The following SLC9B2 variants were observed in gnomAD, a reference collection of about 807,000 sequenced individuals.
SLC9B2 encodes the protein sodium/hydrogen exchanger 9B2.
SLC9B2 carries 39 observed loss-of-function variants against 52.2 expected under a neutral mutation model. That is an observed-to-expected ratio of 0.75 (90% CI 0.58 to 0.98). SLC9B2 has a LOEUF of 0.98. Ranked by LOEUF, SLC9B2 falls within the 50% of genes least tolerant of loss-of-function variation. SLC9B2 has a pLI of 0.00. For synonymous variants in SLC9B2, 214 were observed against 227.0 expected, an observed-to-expected ratio of 0.94 and a Z score of 0.51; for missense variants, 626 against 637.5, an observed-to-expected ratio of 0.98 and a Z score of 0.19.
intron 6 of SLC9B2, 50 bp from the exon 7 acceptor site, chr4:103,047,276 A>C (rs751747424): frequency 1.4e-5 from 21 of 1,471,900 alleles, no homozygotes; most frequent in African/African-American, 2.8e-5. Flanking sequence ...ACTTATTACT[A>C]TTTTGAAATT....
intron 3 of SLC9B2, among the ~76,000 whole-genome samples, chr4:103,062,142 T>G (rs1745699531): frequency 6.6e-6 from 1 of 152,210 alleles, no homozygotes; most frequent in Admixed American, 6.5e-5. Context: ...TCTTTTCGGC[T>G]GGGCGCAGTG....
intron 1 of SLC9B2, among the ~76,000 whole-genome samples, chr4:103,074,106 T>C (rs1235425465): frequency 6.6e-6 from 1 of 152,170 alleles, no homozygotes; most frequent in African/African-American, 2.4e-5. Flanking sequence ...CCTCTCCTCT[T>C]TTTGTCTTTA....
intron 4 of SLC9B2, among the ~76,000 whole-genome samples, chr4:103,050,725 C>T (rs779331990): frequency 6.6e-6 from 1 of 152,118 alleles, no homozygotes; most frequent in South Asian, 2.1e-4. Flanking sequence ...CAGCAAACAG[C>T]GCATGAAATT....
At chr4:103,019,363 G>A (rs1422629254), downstream of SLC9B2, among the ~76,000 whole-genome samples, 6 of 152,176 alleles carry the variant, frequency 3.9e-5, no homozygotes, top group Non-Finnish European at 8.8e-5. Flanking sequence ...AAAAACAGGA[G>A]GAAAAGAGAA....
chr4:103,033,465 T>TTAGG (rs1225594898), intron 9 of SLC9B2, among the ~76,000 whole-genome samples: 1 of 151,916 alleles, frequency 6.6e-6, no homozygotes, highest in East Asian at 1.9e-4. Flanking sequence ...AGGCATCCAA[T>TTAGG]TAGGAAGAGA....
At chr4:103,058,921 T>C (rs945582881) in intron 3 of SLC9B2, among the ~76,000 whole-genome samples, 4 of 151,898 alleles carry the variant, frequency 2.6e-5, no homozygotes, top group African/African-American at 9.7e-5. Flanking sequence ...ATAAAAATTA[T>C]CTGGGTATGG....
Position 103,043,268 on chromosome 4 carries a change from G to T in SLC9B2, c.1146+28C>A, listed in dbSNP as rs201536768. 207 of 1,585,248 alleles carry T rather than the reference G, an allele frequency of 1.3e-4. 1 individual carries two copies. Among genetic ancestry groups the T allele is most frequent in the Middle Eastern group, 3.4e-4 (2 of 5,914 alleles). On this transcript the variant is annotated intron_variant, in intron 9 of 11. Transcript: ENST00000394785. ...CTTAATCTCATTAGAAAAGAGTCAT[G>T]AGCAGAAAAACTTAAAATGAAATTC...
chr4:103,034,474 G>A (rs1042575859), intron 9 of SLC9B2, among the ~76,000 whole-genome samples: 4 of 152,102 alleles, frequency 2.6e-5, no homozygotes. Flanking sequence ...AAACTAAAGA[G>A]CTCTGCACAG....
At chr4:103,055,800 A>T (rs1376268476) in intron 4 of SLC9B2, among the ~76,000 whole-genome samples, 10 of 147,578 alleles carry the variant, frequency 6.8e-5, no homozygotes, top group African/African-American at 2.2e-4. Context: ...ATAATGCAGA[A>T]TTCTTTTTTT....
chr4:103,047,627 G>A lies in SLC9B2; in HGVS notation c.714-401C>T, dbSNP rs903043036. On this transcript the variant is annotated intron_variant, in intron 6 of 11. Transcript: ENST00000394785. ...TTCTCATTGTTCATTTCCCACCTAT[G>A]AGTGAGAACATGTGGTGTTTGGTTT... Among the ~76,000 whole-genome samples, 3 of 142,850 alleles carry A rather than the reference G, an allele frequency of 2.1e-5. No individual in the cohort carries two copies. In the South Asian group the frequency reaches 6.5e-4, roughly 31 times the overall value. The allele number at this position is 142,850 out of a possible 152,430, so 93.7% of individuals were successfully genotyped here.
chr4:103,044,448 G>C (rs1743923308), intron 8 of SLC9B2, among the ~76,000 whole-genome samples: 1 of 152,146 alleles, frequency 6.6e-6, no homozygotes, highest in African/African-American at 2.4e-5. Flanking sequence ...GGCTCTTGCT[G>C]TGTTGCCCAG....
chr4:103,057,291 T>C (rs112933715), intron 4 of SLC9B2, among the ~76,000 whole-genome samples: 299 of 143,106 alleles, frequency 2.1e-3, no homozygotes, highest in Middle Eastern at 7.2e-3. Context: ...CACACACACA[T>C]ATATACACAC....
At chr4:103,047,931 A>G (rs1744316257) in intron 6 of SLC9B2, among the ~76,000 whole-genome samples, 1 of 152,174 alleles carries the variant, frequency 6.6e-6, no homozygotes, top group Non-Finnish European at 1.5e-5. Context: ...GCCTAAAAAG[A>G]TATATTTATT....
At chr4:103,039,339 C>T (rs1397305934) in intron 9 of SLC9B2, among the ~76,000 whole-genome samples, 2 of 152,128 alleles carry the variant, frequency 1.3e-5, no homozygotes, top group Non-Finnish European at 2.9e-5. Flanking sequence ...CCGAATCCTC[C>T]AGTCAGTGAA....
intron 4 of SLC9B2, among the ~76,000 whole-genome samples, chr4:103,053,703 T>C (rs944026548): frequency 7.0e-6 from 1 of 143,574 alleles, no homozygotes; most frequent in Non-Finnish European, 1.5e-5. Context: ...AGGCATCAGC[T>C]TTTTTTTTTT....
Position 103,032,594 on chromosome 4 carries a change from G to A in SLC9B2, c.1147-786C>T, listed in dbSNP as rs116501479. Among the ~76,000 whole-genome samples the A allele has an allele frequency of 4.0e-3, 614 of 152,210 alleles. 5 individuals carry two copies. The highest frequency in any genetic ancestry group is 0.014 in the African/African-American group (599 of 41,532). On this transcript the variant is annotated intron_variant, in intron 9 of 11. Coordinates refer to ENST00000394785, the MANE Select transcript of SLC9B2 (RefSeq NM_178833.7). ...TTCCTGGTTTCTGTGGCTCTTCCTA[G>A]CAAGATCTTATAGCATGCACTGGTG...
Position 103,024,588 on chromosome 4 carries a change from G to A in SLC9B2, c.*1782C>T, listed in dbSNP as rs1742046017. 6.6e-6 allele frequency among the ~76,000 whole-genome samples: 1 copy of A among 152,206 alleles called. No homozygotes were observed. Among genetic ancestry groups the A allele is most frequent in the South Asian group, 2.1e-4 (1 of 4,830 alleles). On this transcript the variant is annotated 3_prime_UTR_variant, in exon 12 of 12. Coordinates refer to ENST00000394785, the MANE Select transcript of SLC9B2 (RefSeq NM_178833.7). ...GGCTTTATTTATGCAGATCAGCTTG[G>A]TGGGATTAGGATATTCATAATTCAT... is the stretch of plus-strand genomic sequence containing the variant.
Position 103,042,860 on chromosome 4 carries a change from AATGTT to A in SLC9B2, c.1146+431_1146+435del, listed in dbSNP as rs549057841. On this transcript the variant is annotated intron_variant, in intron 9 of 11. Transcript: ENST00000394785. ...TATATTTTAACATTTCTGAAATTAG[AATGTT>A]ATGTTATCGTTTAATTGGCACTATT... 1.4e-3 allele frequency among the ~76,000 whole-genome samples: 205 copies of A among 151,780 alleles called. No homozygotes were observed. The Middle Eastern group carries it at 0.017, about 13-fold the overall frequency.
chr4:103,075,155 T>C (rs1747002453), intron 1 of SLC9B2, among the ~76,000 whole-genome samples: 1 of 152,208 alleles, frequency 6.6e-6, no homozygotes, highest in Non-Finnish European at 1.5e-5. Context: ...TCATTTCCTT[T>C]TTTTTCTTTT....
Sources: gnomAD v4.1 joint callset for allele counts (sites outside exome capture counted in the v4.1 genomes callset) on GRCh38, gnomAD v4.1.1 for gene constraint, MANE v1.5 for transcripts, NCBI Gene and HGNC (gene_info 2026-07-23, HGNC 2026-07-21) for gene names.